Variants in LPP observed in about 807,000 individuals in gnomAD.
LPP encodes LIM domain containing preferred translocation partner in lipoma.
In LPP, 38 loss-of-function variants were observed where a neutral mutation model predicts 60.4. The ratio of observed to expected loss-of-function variants is 0.63; its 90% CI spans 0.49 to 0.83. LPP has a LOEUF of 0.83. Ranked by LOEUF, LPP falls within the 40% of genes least tolerant of loss-of-function variation. The probability of loss-of-function intolerance (pLI) is 0.00; values close to 1 mark genes in which losing one functional copy is unlikely to be tolerated. For synonymous variants in LPP, 328 were observed against 290.8 expected (o/e 1.13, Z -1.30); for missense variants, 902 against 783.6 (o/e 1.15, Z -1.80).
At chr3:188,543,231 G>C (rs1387763294) in intron 6 of LPP, among the ~76,000 whole-genome samples, 1 of 152,118 alleles carries the variant, frequency 6.6e-6, no homozygotes, top group Non-Finnish European at 1.5e-5. Flanking sequence ...GGGTGGAGAG[G>C]CTTTTATATT....
chr3:188,414,754 A>G (rs1344815538), intron 4 of LPP, among the ~76,000 whole-genome samples: 1 of 152,158 alleles, frequency 6.6e-6, no homozygotes, highest in Admixed American at 6.6e-5. Context: ...AAATTCTTGA[A>G]TGCAGGCAAC....
intron 7 of LPP, among the ~76,000 whole-genome samples, chr3:188,621,779 C>G (rs1056729646): frequency 6.6e-6 from 1 of 152,098 alleles, no homozygotes; most frequent in African/African-American, 2.4e-5. Context: ...CCTGCCTCAG[C>G]CTCCTGAGTA....
At chr3:188,335,958 C>T (rs1025001040) in intron 2 of LPP, among the ~76,000 whole-genome samples, 1 of 152,110 alleles carries the variant, frequency 6.6e-6, no homozygotes, top group Non-Finnish European at 1.5e-5. Context: ...TGAATAGATG[C>T]AGTGATAGGG....
intron 7 of LPP, among the ~76,000 whole-genome samples, chr3:188,668,705 T>G (rs1035466659): frequency 2.0e-5 from 3 of 152,190 alleles, no homozygotes; most frequent in African/African-American, 7.2e-5. Context: ...ACTGAGTCAT[T>G]TGCTGTTTTT....
At chr3:188,821,374 T>C (rs1483877339) in intron 9 of LPP, among the ~76,000 whole-genome samples, 1 of 149,974 alleles carries the variant, frequency 6.7e-6, no homozygotes, top group African/African-American at 2.5e-5. Context: ...TCAGTATTTT[T>C]TTTTTAAAGC....
chr3:188,232,085 C>T (rs12633843), intron 2 of LPP, among the ~76,000 whole-genome samples: 76,351 of 151,924 alleles, frequency 0.5, 19,832 homozygotes, highest in Middle Eastern at 0.63. Flanking sequence ...TCTCTTCCCC[C>T]GACCAAAGCA....
chr3:188,745,310 T>C (rs987801540), intron 8 of LPP, among the ~76,000 whole-genome samples: 1 of 152,198 alleles, frequency 6.6e-6, no homozygotes, highest in Non-Finnish European at 1.5e-5. Flanking sequence ...TATTTTAATG[T>C]TTATGCCCTA....
intron 2 of LPP, among the ~76,000 whole-genome samples, chr3:188,279,872 A>G (rs1678781479): frequency 6.6e-6 from 1 of 152,186 alleles, no homozygotes; most frequent in African/African-American, 2.4e-5. Context: ...CTAATTTAAT[A>G]TAGAGAGCTG....
rs1359422053 is a variant in LPP at position 188,549,152 on chromosome 3, T to A, written c.429+24365T>A. 3.3e-5 allele frequency among the ~76,000 whole-genome samples: 5 copies of A among 152,174 alleles called. No individual in the cohort carries two copies. In the East Asian group the frequency reaches 5.8e-4, roughly 18 times the overall value. On this transcript the variant is annotated intron_variant, in intron 6 of 11. Coordinates refer to ENST00000617246, the MANE Select transcript of LPP (RefSeq NM_001375462.1). Reference sequence around the variant, plus strand: ...TGAATAGGTATAATTATTTTTAATTTAAAAAAAGCAGTTTCTCATGTAAGC... The same window carrying A: ...TGAATAGGTATAATTATTTTTAATTAAAAAAAAGCAGTTTCTCATGTAAGC...
intron 9 of LPP, among the ~76,000 whole-genome samples, 157 bp downstream of exon 9, chr3:188,760,439 T>TGTGTGTGTGTGTGTGTGC (rs55988915): frequency 1.2e-4 from 18 of 150,042 alleles, no homozygotes; most frequent in African/African-American, 1.5e-4. Flanking sequence ...TGTGTGTGCG[T>TGTGTGTGTGTGTGTGTGC]GCGCGCATGT....
At chr3:188,654,337 A>G (rs1464342546) in intron 7 of LPP, among the ~76,000 whole-genome samples, 1 of 152,222 alleles carries the variant, frequency 6.6e-6, no homozygotes, top group Non-Finnish European at 1.5e-5. Context: ...GTTAGGAAAG[A>G]GACATTCCTG....
At chr3:188,674,844 G>A (rs773232399) in intron 7 of LPP, among the ~76,000 whole-genome samples, 5 of 152,148 alleles carry the variant, frequency 3.3e-5, no homozygotes, top group Non-Finnish European at 7.4e-5. Context: ...CCATCCAGAA[G>A]ATCAAGTGTT....
intron 7 of LPP, among the ~76,000 whole-genome samples, chr3:188,630,612 C>A (rs1344349653): frequency 6.6e-6 from 1 of 152,156 alleles, no homozygotes; most frequent in African/African-American, 2.4e-5. Context: ...AATCCCATTA[C>A]TGGGTATATA....
chr3:188,191,590 C>G (rs1728194151), intron 1 of LPP, among the ~76,000 whole-genome samples: 1 of 152,182 alleles, frequency 6.6e-6, no homozygotes, highest in South Asian at 2.1e-4. Context: ...CAAATTCAGT[C>G]TGACCCCACA....
At chr3:188,872,142 C>T (rs937803345) in intron 10 of LPP, among the ~76,000 whole-genome samples, 1 of 152,084 alleles carries the variant, frequency 6.6e-6, no homozygotes, top group African/African-American at 2.4e-5. Context: ...GTATTTGAGT[C>T]TTCTTATGTC....
chr3:188,408,116 G>T (rs1029407594), intron 4 of LPP, among the ~76,000 whole-genome samples: 2 of 152,024 alleles, frequency 1.3e-5, no homozygotes, highest in African/African-American at 4.8e-5. Context: ...GTTTCCCTTT[G>T]TCAGCTTACT....
intron 8 of LPP, among the ~76,000 whole-genome samples, chr3:188,731,516 T>TTTTTGTTTTGTTTTGTTTTG (rs71298537): frequency 0.068 from 9,967 of 145,732 alleles, 547 homozygotes; most frequent in African/African-American, 0.14. Flanking sequence ...TTTTTTGTTT[T>TTTTTGTTTTGTTTTGTTTTG]TTTTGTTTTG....
At chr3:188,827,626 G>C (rs1755933480) in intron 9 of LPP, among the ~76,000 whole-genome samples, 1 of 152,170 alleles carries the variant, frequency 6.6e-6, no homozygotes, top group South Asian at 2.1e-4. Flanking sequence ...GTGGAACAGA[G>C]AGACAGAAAA....
At chr3:188,741,172 A>G (rs942391252) in intron 8 of LPP, among the ~76,000 whole-genome samples, 7 of 149,482 alleles carry the variant, frequency 4.7e-5, no homozygotes, top group African/African-American at 7.4e-5. Flanking sequence ...CATGAAATTT[A>G]TGAAAAAAAA....
Sources: allele counts gnomAD v4.1 joint callset (sites outside exome capture counted in the v4.1 genomes callset), GRCh38; gene constraint gnomAD v4.1.1; transcripts MANE v1.5; gene names NCBI Gene and HGNC (gene_info 2026-07-23, HGNC 2026-07-21).